PDS5B: variants seen among roughly 807,000 people sequenced by gnomAD.
PDS5B encodes PDS5 cohesin associated factor B, also known as sister chromatid cohesion protein PDS5 homolog B.
A neutral mutation model predicts 184.1 loss-of-function variants in PDS5B; 51 were observed. The ratio of observed to expected loss-of-function variants is 0.28; its 90% CI spans 0.22 to 0.35. The LOEUF is 0.35. Among genes scored for constraint, PDS5B ranks in the 10% least tolerant of loss-of-function variants. The pLI is 1.00. For missense variants in PDS5B, 1,180 were observed against 1,723.3 expected (o/e 0.68, Z 5.58); for synonymous variants, 566 against 569.2 (o/e 0.99, Z 0.08).
chr13:32,640,176 G>T (rs1196078600), intron 1 of PDS5B, among the ~76,000 whole-genome samples: 1 of 152,050 alleles, frequency 6.6e-6, no homozygotes, highest in Non-Finnish European at 1.5e-5. Context: ...GTGATTAAAA[G>T]ATTCTCATAT....
At chr13:32,636,887 C>G (rs955099167) in intron 1 of PDS5B, among the ~76,000 whole-genome samples, 1 of 152,130 alleles carries the variant, frequency 6.6e-6, no homozygotes, top group African/African-American at 2.4e-5. Flanking sequence ...GACAGCTTCC[C>G]TGATTGACAG....
At chr13:32,686,172 CTG>C (rs373075137) in intron 11 of PDS5B, among the ~76,000 whole-genome samples, 165 of 152,232 alleles carry the variant, frequency 1.1e-3, no homozygotes, top group African/African-American at 3.9e-3. Flanking sequence ...GATTACAGTG[CTG>C]TGTTTATGTA....
At chr13:32,724,119 T>TTTG (rs755213911) in intron 19 of PDS5B, among the ~76,000 whole-genome samples, 1 of 152,158 alleles carries the variant, frequency 6.6e-6, no homozygotes, top group Non-Finnish European at 1.5e-5. Flanking sequence ...AAAATGTGTT[T>TTTG]TTGTTGTTGT....
At chr13:32,679,835 C>A (rs918485919) in intron 10 of PDS5B, among the ~76,000 whole-genome samples, 1 of 151,564 alleles carries the variant, frequency 6.6e-6, no homozygotes, top group Non-Finnish European at 1.5e-5. Context: ...CTTTGCTCTC[C>A]CCTTCCATCC....
At chr13:32,764,261 T>C (rs1213787754) in intron 30 of PDS5B, among the ~76,000 whole-genome samples, 1 of 152,118 alleles carries the variant, frequency 6.6e-6, no homozygotes, top group African/African-American at 2.4e-5. Context: ...TTAAAAAGAC[T>C]TAGAAAAATA....
intron 20 of PDS5B, among the ~76,000 whole-genome samples, chr13:32,732,884 A>G (rs999112533): frequency 6.6e-6 from 1 of 152,150 alleles, no homozygotes; most frequent in African/African-American, 2.4e-5. Context: ...AAAACAATTT[A>G]GAAATTATTC....
At chr13:32,604,750 A>G (rs1342806289) in intron 1 of PDS5B, among the ~76,000 whole-genome samples, 1 of 152,188 alleles carries the variant, frequency 6.6e-6, no homozygotes, top group South Asian at 2.1e-4. Context: ...TCAATTTCAG[A>G]GCCTGTTATT....
intron 1 of PDS5B, among the ~76,000 whole-genome samples, chr13:32,622,480 G>A (rs1353467846): frequency 6.6e-6 from 1 of 152,136 alleles, no homozygotes; most frequent in Non-Finnish European, 1.5e-5. Context: ...TTTTGTAAAT[G>A]TTATATGTGT....
intron 6 of PDS5B, among the ~76,000 whole-genome samples, chr13:32,667,490 C>CT (rs897098130): frequency 1.4e-4 from 22 of 152,056 alleles, no homozygotes; most frequent in Non-Finnish European, 5.9e-5. Context: ...TAGAGTGACT[C>CT]TATCTAATAA....
At chr13:32,702,434 A>G (rs756855477) in intron 17 of PDS5B, among the ~76,000 whole-genome samples, 1 of 152,338 alleles carries the variant, frequency 6.6e-6, no homozygotes, top group South Asian at 2.1e-4. Context: ...TCTCTATTCA[A>G]GGCAGTACTC....
intron 1 of PDS5B, among the ~76,000 whole-genome samples, chr13:32,615,918 A>G (rs2058211216): frequency 6.6e-6 from 1 of 152,166 alleles, no homozygotes. Flanking sequence ...TTTTCAGAAT[A>G]TTGAAATTTT....
chr13:32,678,380 A>G lies in PDS5B; in HGVS notation c.963-455A>G, dbSNP rs574724175. ...GTACACTTTTAGATTCATGTAATAT[A>G]CTGTAGGGTTTAGTGTGAGATCTGC... On this transcript the variant is annotated intron_variant, in intron 9 of 34. Transcript: ENST00000315596. Among the ~76,000 whole-genome samples, 3 of 152,326 alleles carry G rather than the reference A, an allele frequency of 2.0e-5. No individual in the cohort carries two copies. In the South Asian group the frequency reaches 6.2e-4, roughly 32 times the overall value.
At chr13:32,628,150 ATACTT>A (rs1222511749) in intron 1 of PDS5B, among the ~76,000 whole-genome samples, 1 of 152,246 alleles carries the variant, frequency 6.6e-6, no homozygotes, top group Non-Finnish European at 1.5e-5. Flanking sequence ...CTTTTAAAAA[ATACTT>A]TATTACAAAT....
intron 19 of PDS5B, among the ~76,000 whole-genome samples, chr13:32,711,755 G>A (rs1164017695): frequency 6.6e-6 from 1 of 152,166 alleles, no homozygotes; most frequent in Admixed American, 6.5e-5. Context: ...TTGGTTGTAT[G>A]TATGTGTATG....
intron 19 of PDS5B, among the ~76,000 whole-genome samples, chr13:32,730,583 G>A (rs1187714996): frequency 2.6e-5 from 4 of 152,144 alleles, no homozygotes; most frequent in African/African-American, 9.7e-5. Flanking sequence ...CATGAGCATG[G>A]AATGTTTTTC....
intron 13 of PDS5B, 80 bp from the exon 14 acceptor site, chr13:32,694,143 C>G: frequency 1.1e-6 from 1 of 949,872 alleles, no homozygotes; most frequent in Non-Finnish European, 1.6e-6. Context: ...TAATTTGAAC[C>G]TTAAATTATA....
intron 1 of PDS5B, among the ~76,000 whole-genome samples, chr13:32,597,597 C>T (rs1356879903): frequency 3.7e-4 from 53 of 143,532 alleles, no homozygotes; most frequent in Non-Finnish European, 6.9e-4. Flanking sequence ...AGGCTGAGGC[C>T]GAGGGGGGGG....
chr13:32,706,282 A>G (rs1303500175), intron 17 of PDS5B, among the ~76,000 whole-genome samples: 1 of 101,234 alleles, frequency 9.9e-6, no homozygotes, highest in Non-Finnish European at 1.9e-5. Context: ...CGTCTCAAAA[A>G]TAAATAAATA....
At chr13:32,669,506 G>A (rs1410397344) in intron 7 of PDS5B, among the ~76,000 whole-genome samples, 1 of 152,054 alleles carries the variant, frequency 6.6e-6, no homozygotes, top group Non-Finnish European at 1.5e-5. Context: ...AATTTTGTAT[G>A]TTTGAAAATG....
Sources: allele counts gnomAD v4.1 joint callset (sites outside exome capture counted in the v4.1 genomes callset), GRCh38; gene constraint gnomAD v4.1.1; transcripts MANE v1.5; gene names NCBI Gene and HGNC (gene_info 2026-07-23, HGNC 2026-07-21).